Variants in ATP13A4 observed in about 807,000 individuals in gnomAD.
The protein encoded by ATP13A4 is probable cation-transporting ATPase 13A4.
In ATP13A4, 114 loss-of-function variants were observed where a neutral mutation model predicts 142.5. That is an observed-to-expected ratio of 0.80 (90% CI 0.69 to 0.93). The LOEUF is 0.93. Among genes scored for constraint, ATP13A4 ranks in the 40% least tolerant of loss-of-function variants. The probability of loss-of-function intolerance (pLI) is 0.00; values close to 1 mark genes in which losing one functional copy is unlikely to be tolerated. For synonymous variants in ATP13A4, 488 were observed against 514.8 expected (o/e 0.95, Z 0.70); for missense variants, 1,392 against 1,454.0 (o/e 0.96, Z 0.69).
At chr3:193,494,275 A>G (rs775035328) in intron 3 of ATP13A4, among the ~76,000 whole-genome samples, 2 of 152,096 alleles carry the variant, frequency 1.3e-5, no homozygotes, top group African/African-American at 2.4e-5. Flanking sequence ...TCTAGACCAA[A>G]TGGACCTAAT....
chr3:193,440,586 T>G lies in ATP13A4; in HGVS notation c.2491A>C (p.Ser831Arg), dbSNP rs1462454966. 1.2e-6 allele frequency: 2 copies of G among 1,613,978 alleles called. No individual in the cohort carries two copies. The highest frequency in any genetic ancestry group is 3.3e-5 in the Admixed American group (2 of 59,998). Residue 831 changes from serine (S) to arginine (R), a missense_variant, in exon 21 of 30, where the codon AGT becomes CGT. Transcript: ENST00000342695. ...FARMSPGQKS[S>R]LVEEFQKLDY... ...AGTTTCTGAAATTCTTCCACCAGAC[T>G]GGACTTCTGCCCAGGAGACATTCTT...
intron 1 of ATP13A4, among the ~76,000 whole-genome samples, chr3:193,540,035 T>A (rs1036666197): frequency 6.6e-6 from 1 of 152,094 alleles, no homozygotes; most frequent in Non-Finnish European, 1.5e-5. Context: ...AATCAAGCTT[T>A]TATTAAAGAA....
At chr3:193,531,196 A>G (rs1255946320) in intron 1 of ATP13A4, among the ~76,000 whole-genome samples, 2 of 148,682 alleles carry the variant, frequency 1.3e-5, no homozygotes, top group African/African-American at 4.9e-5. Flanking sequence ...TCCCCACCAG[A>G]TATTGAGACA....
At chr3:193,561,848 G>A (rs965007238) in intron 2 of ATP13A4, among the ~76,000 whole-genome samples, 2 of 152,176 alleles carry the variant, frequency 1.3e-5, no homozygotes, top group Non-Finnish European at 2.9e-5. Context: ...GTCTTTGGGG[G>A]CTGTCACTGT....
At chr3:193,567,410 T>C (rs544221861) in intron 2 of ATP13A4, among the ~76,000 whole-genome samples, 4 of 152,318 alleles carry the variant, frequency 2.6e-5, no homozygotes, top group African/African-American at 7.2e-5. Context: ...GTATTAAAAA[T>C]ATATTTTGCT....
chr3:193,578,995 G>A, intron 2 of ATP13A4: 1 of 204,972 alleles, frequency 4.9e-6, no homozygotes, highest in Non-Finnish European at 1.0e-5. Context: ...CACCCTGTGT[G>A]TAAGGCAGAA....
At chr3:193,536,258 A>C (rs935437017) in intron 1 of ATP13A4, among the ~76,000 whole-genome samples, 1 of 152,092 alleles carries the variant, frequency 6.6e-6, no homozygotes, top group Non-Finnish European at 1.5e-5. Context: ...AGCAAATATA[A>C]TTCCGCAACA....
rs779422551 is a variant in ATP13A4 at position 193,402,824 on chromosome 3, T to G, written c.3419A>C (p.Lys1140Thr). 1 of 1,614,184 alleles carries G rather than the reference T, an allele frequency of 6.2e-7. No individual in the cohort carries two copies. ...IENRALWMMI[K>T]RCFGYQSKSQ... ...TTTTGACTGATAGCCGAAACATCTTTTAATCATCATCCACAGGGCTCGATT... is the reference window on the plus strand; with the variant it reads ...TTTTGACTGATAGCCGAAACATCTTGTAATCATCATCCACAGGGCTCGATT... Residue 1140 changes from lysine (K) to threonine (T), a missense_variant, in exon 30 of 30, where the codon AAA (lysine) becomes ACA (threonine). Transcript: ENST00000342695.
chr3:193,505,836 G>T (rs1720833707), intron 2 of ATP13A4, among the ~76,000 whole-genome samples: 1 of 152,210 alleles, frequency 6.6e-6, no homozygotes, highest in South Asian at 2.1e-4. Context: ...TTTTGGGGTT[G>T]TCCAATATGG....
chr3:193,499,219 A>T (rs1720405416), intron 3 of ATP13A4, among the ~76,000 whole-genome samples: 1 of 152,212 alleles, frequency 6.6e-6, no homozygotes, highest in Admixed American at 6.5e-5. Flanking sequence ...CTTATTGCCG[A>T]TTTAGAGTGA....
intron 1 of ATP13A4, among the ~76,000 whole-genome samples, chr3:193,523,210 AG>A (rs1477641612): frequency 1.3e-5 from 2 of 152,126 alleles, no homozygotes. Context: ...CAGCTGAGAC[AG>A]GAGAATCACA....
intron 28 of ATP13A4, 84 bp from the exon 29 acceptor site, chr3:193,407,477 C>T: frequency 9.1e-7 from 1 of 1,094,774 alleles, no homozygotes; most frequent in East Asian, 2.5e-5. Context: ...ATATATTTTC[C>T]TAGGTTATAA....
At chr3:193,520,631 G>A (rs1721663647) in intron 1 of ATP13A4, among the ~76,000 whole-genome samples, 2 of 152,186 alleles carry the variant, frequency 1.3e-5, no homozygotes, top group South Asian at 4.2e-4. Context: ...CAAAAAGTGT[G>A]TTCACAATCA....
intron 1 of ATP13A4, among the ~76,000 whole-genome samples, chr3:193,536,207 C>A (rs979506563): frequency 6.6e-6 from 1 of 151,978 alleles, no homozygotes; most frequent in African/African-American, 2.4e-5. Context: ...AGACCAACAT[C>A]CCTCAGGAAT....
intron 2 of ATP13A4, among the ~76,000 whole-genome samples, chr3:193,509,910 T>C (rs1721053360): frequency 6.6e-6 from 1 of 152,262 alleles, no homozygotes; most frequent in South Asian, 2.1e-4. Context: ...GTTTTGCTCA[T>C]AGTTATATTC....
rs1455982037 is a variant in ATP13A4, at chr3:193,496,457, A to G, written c.382-3297T>C. On this transcript the variant is annotated intron_variant, in intron 3 of 29. Coordinates refer to ENST00000342695, the MANE Select transcript of ATP13A4 (RefSeq NM_032279.4). The stretch of plus-strand genomic sequence containing the variant: ...ACTAGTTTTCAACAAAGGCGCCAAG[A>G]ACACACAATGGATAAAGGATAGTCT... Among the ~76,000 whole-genome samples, 5 of 152,196 alleles carry G rather than the reference A, an allele frequency of 3.3e-5. No individual in the cohort carries two copies. The East Asian group carries it at 9.6e-4, about 29-fold the overall frequency.
chr3:193,441,013 C>G (rs185496673), intron 20 of ATP13A4, among the ~76,000 whole-genome samples: 1 of 150,160 alleles, frequency 6.7e-6, no homozygotes, highest in Non-Finnish European at 1.5e-5. Context: ...CTCTCTCTCT[C>G]TCTCTATATA....
intron 1 of ATP13A4, among the ~76,000 whole-genome samples, chr3:193,582,745 A>T (rs770778): frequency 0.03 from 1,044 of 34,738 alleles, 136 homozygotes; most frequent in East Asian, 0.12. Context: ...TATATGTATA[A>T]TACATATATA....
chr3:193,539,127 C>T lies in ATP13A4; in HGVS notation c.60+15613G>A, dbSNP rs541814035. 9.2e-5 allele frequency among the ~76,000 whole-genome samples: 14 copies of T among 152,208 alleles called. No homozygotes were observed. The South Asian group carries it at 2.5e-3, about 27-fold the overall frequency. On this transcript the variant is annotated intron_variant, in intron 1 of 29. Coordinates refer to ENST00000342695, the MANE Select transcript of ATP13A4 (RefSeq NM_032279.4). ...ACCTCAGGTGATCCACCCACCCTGG[C>T]CTCCCAAATTGCTGGGATTACAGCT...
Sources: allele counts gnomAD v4.1 joint callset (sites outside exome capture counted in the v4.1 genomes callset), GRCh38; gene constraint gnomAD v4.1.1; transcripts MANE v1.5; gene names NCBI Gene and HGNC (gene_info 2026-07-23, HGNC 2026-07-21).